The following ZNF536 variants were observed in gnomAD, a reference collection of about 807,000 sequenced individuals.
ZNF536 encodes the protein zinc finger protein 536.
Under a neutral mutation model 84.5 loss-of-function variants are expected in ZNF536, and 13 were observed. The observed-to-expected ratio is 0.15, with a 90% CI of 0.10 to 0.24. The LOEUF is 0.24. Ranked by LOEUF, ZNF536 falls within the 10% of genes least tolerant of loss-of-function variation. The pLI, the probability that ZNF536 is intolerant of heterozygous loss-of-function variation, is 1.00. For synonymous variants in ZNF536, 811 were observed against 742.5 expected (o/e 1.09, Z -1.50); for missense variants, 1,536 against 1,747.5 (o/e 0.88, Z 2.16).
intron 1 of ZNF536, among the ~76,000 whole-genome samples, chr19:30,621,999 T>C (rs1369582869): frequency 1.2e-4 from 19 of 152,230 alleles, no homozygotes; most frequent in Admixed American, 1.2e-3. Flanking sequence ...AAAAATAAGT[T>C]TCTGGCTTCT....
At chr19:30,313,941 C>T (rs2046591944) in intron 2 of ZNF536, among the ~76,000 whole-genome samples, 1 of 152,216 alleles carries the variant, frequency 6.6e-6, no homozygotes, top group African/African-American at 2.4e-5. Context: ...GAGGTTAGGC[C>T]ATAACACAGA....
At chr19:30,517,869 A>G (rs1434029069) in intron 2 of ZNF536, among the ~76,000 whole-genome samples, 4 of 152,208 alleles carry the variant, frequency 2.6e-5, no homozygotes, top group Non-Finnish European at 5.9e-5. Flanking sequence ...TTGCATCTCA[A>G]TTAGAGTCCT....
In ZNF536 at chr19:30,548,047, G is replaced by T. The variant is rs903811297; in HGVS notation, c.2428G>T (p.Gly810Trp). The T allele has an allele frequency of 6.2e-7, 1 of 1,613,964 alleles. No individual in the cohort carries two copies. Among genetic ancestry groups the T allele is most frequent in the Non-Finnish European group, 8.5e-7 (1 of 1,180,014 alleles). Reference protein sequence around the residue: ...RHHRERQNGAGPLSGQPPNQD... With the variant: ...RHHRERQNGAWPLSGQPPNQD... ...CCATCGGGAGCGGCAGAACGGGGCT[G>T]GGCCGCTGTCTGGGCAACCCCCAAA... Residue 810 changes from glycine (G) to tryptophan (W), a missense_variant, in exon 4 of 5, where the codon GGG (glycine) becomes TGG (tryptophan). By Grantham distance (184) the Gly-to-Trp change is radical (BLOSUM62 -2). Coordinates refer to ENST00000355537, the MANE Select transcript of ZNF536 (RefSeq NM_014717.3).
intron 1 of ZNF536, among the ~76,000 whole-genome samples, chr19:30,436,132 G>A (rs1186128179): frequency 6.6e-6 from 1 of 152,064 alleles, no homozygotes; most frequent in Non-Finnish European, 1.5e-5. Flanking sequence ...AGTCAGTGAG[G>A]GCCTTGACTT....
At chr19:30,236,659 A>G (rs2023541567) in intron 1 of ZNF536, among the ~76,000 whole-genome samples, 1 of 152,120 alleles carries the variant, frequency 6.6e-6, no homozygotes, top group Non-Finnish European at 1.5e-5. Flanking sequence ...CAAGGTAGCA[A>G]TTTTCCCCTT....
Position 30,620,450 on chromosome 19 carries a change from G to C in ZNF536, c.169+70936G>C, listed in dbSNP as rs536096372. On this transcript the variant is annotated intron_variant, in intron 1 of 1. Coordinates refer to the ZNF536 transcript ENST00000592773. ...AGCAAGCTGGGTCCTGGAAGGGACA[G>C]TGGAACTGCCTGGTGGTGACATTCA... 2.0e-5 allele frequency among the ~76,000 whole-genome samples: 3 copies of C among 152,324 alleles called. No homozygotes were observed. The East Asian group carries it at 5.8e-4, about 29-fold the overall frequency.
chr19:30,548,574 C>A lies in ZNF536; in HGVS notation c.2955C>A (p.Ala985=). The A allele has an allele frequency of 6.2e-7, 1 of 1,614,116 alleles. No homozygotes were observed. Among genetic ancestry groups the A allele is most frequent in the Non-Finnish European group, 8.5e-7 (1 of 1,180,040 alleles). Residue 985 remains alanine (A), a synonymous_variant, in exon 4 of 5, where the codon GCC becomes GCA. Transcript: ENST00000355537. ...PLDLSVRPDA[A]SLPGSSVTVQ... is the part of the protein sequence containing the mutation. ...ACTTGTCTGTGCGGCCAGATGCCGC[C>A]TCCCTCCCGGGCTCCTCGGTAACTG...
chr19:30,550,380 T>A (rs542686964), intron 4 of ZNF536, among the ~76,000 whole-genome samples: 1 of 152,206 alleles, frequency 6.6e-6, no homozygotes, highest in African/African-American at 2.4e-5. Context: ...ATCAAAGTCA[T>A]TGTCTTGGCA....
intron 1 of ZNF536, among the ~76,000 whole-genome samples, chr19:30,410,465 C>CTTT (rs201561646): frequency 0.071 from 8,620 of 121,434 alleles, 2,729 homozygotes; most frequent in African/African-American, 0.25. Flanking sequence ...AAGTGAAGGT[C>CTTT]TTTTTTTTTT....
chr19:30,500,609 T>C (rs1167341760), intron 2 of ZNF536, among the ~76,000 whole-genome samples: 1 of 127,674 alleles, frequency 7.8e-6, no homozygotes, highest in Non-Finnish European at 1.6e-5. Context: ...CTCAGCAGCA[T>C]GCTGTGGGAT....
chr19:30,458,661 A>G (rs2052986469), intron 2 of ZNF536, among the ~76,000 whole-genome samples: 1 of 152,086 alleles, frequency 6.6e-6, no homozygotes, highest in African/African-American at 2.4e-5. Flanking sequence ...CATGTTGGTC[A>G]CGATGGTCTC....
downstream of ZNF536, among the ~76,000 whole-genome samples, chr19:30,561,577 G>A (rs932847435): frequency 6.6e-6 from 1 of 152,180 alleles, no homozygotes; most frequent in African/African-American, 2.4e-5. Context: ...AGAGAAGGCA[G>A]GTAAATCAAC....
intron 1 of ZNF536, among the ~76,000 whole-genome samples, chr19:30,656,287 A>G (rs994357857): frequency 1.3e-5 from 2 of 152,198 alleles, no homozygotes; most frequent in Non-Finnish European, 2.9e-5. Flanking sequence ...TTTTCTAATG[A>G]ATTTTATCAG....
chr19:30,499,136 A>G (rs1188195040), intron 2 of ZNF536, among the ~76,000 whole-genome samples: 3 of 151,944 alleles, frequency 2.0e-5, no homozygotes, highest in East Asian at 1.9e-4. Flanking sequence ...TGATATATTT[A>G]AAGACCACCT....
chr19:30,525,216 C>T (rs1315785575), intron 2 of ZNF536, among the ~76,000 whole-genome samples: 1 of 152,150 alleles, frequency 6.6e-6, no homozygotes, highest in Non-Finnish European at 1.5e-5. Context: ...CCCCTTCCTC[C>T]AGGAAGCCTC....
At chr19:30,615,156 A>G in intron 1 of ZNF536, among the ~76,000 whole-genome samples, 1 of 148,896 alleles carries the variant, frequency 6.7e-6, no homozygotes, top group African/African-American at 2.5e-5. Context: ...CGTGTTAGCC[A>G]GGATGGTCTC....
At chr19:30,659,756 G>A (rs1019292968) in intron 1 of ZNF536, among the ~76,000 whole-genome samples, 1 of 152,198 alleles carries the variant, frequency 6.6e-6, no homozygotes, top group East Asian at 1.9e-4. Context: ...GGCTCCACCA[G>A]ATTATTACAA....
intron 1 of ZNF536, among the ~76,000 whole-genome samples, chr19:30,568,061 T>G (rs1157329863): frequency 6.6e-6 from 1 of 152,236 alleles, no homozygotes; most frequent in Non-Finnish European, 1.5e-5. Flanking sequence ...TGTACCAGTC[T>G]GAAGGAAACC....
intron 2 of ZNF536, among the ~76,000 whole-genome samples, chr19:30,317,130 T>C (rs2046705266): frequency 6.6e-6 from 1 of 152,236 alleles, no homozygotes; most frequent in South Asian, 2.1e-4. Flanking sequence ...GTTAAAATAC[T>C]GTTATAAACA....
Sources: allele counts gnomAD v4.1 joint callset (sites outside exome capture counted in the v4.1 genomes callset), GRCh38; gene constraint gnomAD v4.1.1; transcripts MANE v1.5; gene names NCBI Gene and HGNC (gene_info 2026-07-23, HGNC 2026-07-21).